LAMA3: variants seen among roughly 807,000 people sequenced by gnomAD.
The protein encoded by LAMA3 is laminin subunit alpha-3.
Under a neutral mutation model 402.0 loss-of-function variants are expected in LAMA3, and 281 were observed. That is an observed-to-expected ratio of 0.70 (90% CI 0.63 to 0.77). LAMA3 has a LOEUF of 0.77. Among genes scored for constraint, LAMA3 ranks in the 30% least tolerant of loss-of-function variants. The pLI is 0.00. For missense variants in LAMA3, 3,840 were observed against 4,215.5 expected (o/e 0.91, Z 2.47); for synonymous variants, 1,431 against 1,558.4 (o/e 0.92, Z 1.93).
At chr18:23,854,320 T>TGCA (rs1598926849) in intron 32 of LAMA3, among the ~76,000 whole-genome samples, 1 of 152,236 alleles carries the variant, frequency 6.6e-6, no homozygotes, top group East Asian at 1.9e-4. Flanking sequence ...GCAGGTACTC[T>TGCA]TGTTCCTTTC....
intron 11 of LAMA3, among the ~76,000 whole-genome samples, chr18:23,782,145 T>G (rs758022951): frequency 9.2e-5 from 14 of 152,254 alleles, no homozygotes; most frequent in Non-Finnish European, 1.6e-4. Flanking sequence ...CTTTCCAAAA[T>G]GCATGAGACT....
intron 12 of LAMA3, among the ~76,000 whole-genome samples, chr18:23,791,368 G>A (rs1284184526): frequency 6.6e-6 from 1 of 152,106 alleles, no homozygotes; most frequent in African/African-American, 2.4e-5. Flanking sequence ...AAGATGCTTG[G>A]CTTTGATTAA....
rs117387365 is a variant in LAMA3 at position 23,847,481 on chromosome 18, C to A, written c.3949C>A (p.Arg1317Ser). Reference sequence around the variant, plus strand: ...CTGGCCAGCGTGCAGCTGTGGTCGGCGCCTTTGTGAAGAGATGACGGGGCA... The same window carrying A: ...CTGGCCAGCGTGCAGCTGTGGTCGGAGCCTTTGTGAAGAGATGACGGGGCA... ...PRCKPCSCGRRLCEEMTGQCR... is the reference protein window; with the variant it reads ...PRCKPCSCGRSLCEEMTGQCR... Residue 1317 changes from arginine to serine, a missense_variant, in exon 32 of 75, where the codon CGC becomes AGC. Coordinates refer to ENST00000313654, the MANE Select transcript of LAMA3 (RefSeq NM_198129.4). The A allele has an allele frequency of 3.5e-5, 56 of 1,612,722 alleles. No individual in the cohort carries two copies. Among genetic ancestry groups the A allele is most frequent in the Non-Finnish European group, 4.6e-5 (54 of 1,180,044 alleles).
chr18:23,900,048 A>G (rs2081014410), intron 47 of LAMA3, among the ~76,000 whole-genome samples: 1 of 132,974 alleles, frequency 7.5e-6, no homozygotes, highest in Non-Finnish European at 1.6e-5. Context: ...TCTGTGCATG[A>G]AATGAACTTT....
chr18:23,894,060 C>T (rs2080789810), intron 42 of LAMA3, among the ~76,000 whole-genome samples: 1 of 152,078 alleles, frequency 6.6e-6, no homozygotes, highest in Admixed American at 6.5e-5. Flanking sequence ...TTCCTGGGCA[C>T]TGGCATGGGT....
rs956916700 is a variant in LAMA3, at chr18:23,954,864, A to C, written c.*216A>C. 16 of 573,772 alleles carry C rather than the reference A, an allele frequency of 2.8e-5. No individual in the cohort carries two copies. Among genetic ancestry groups the C allele is most frequent in the Non-Finnish European group, 4.6e-5 (15 of 323,284 alleles). The allele number at this position is 573,772 out of a possible 1,614,324, so 35.5% of individuals were successfully genotyped here. On this transcript the variant is annotated 3_prime_UTR_variant, in exon 75 of 75. Transcript: ENST00000313654. The stretch of plus-strand genomic sequence containing the variant: ...AAAAATCCCATTTCTTGAAGATAAA[A>C]AAATTGTTATTCAAATTGTTATGCA...
chr18:23,749,442 T>A lies in LAMA3; in HGVS notation c.580T>A (p.Cys194Ser). 3 of 1,584,312 alleles carry A rather than the reference T, an allele frequency of 1.9e-6. No homozygotes were observed. Among genetic ancestry groups the A allele is most frequent in the Non-Finnish European group, 2.6e-6 (3 of 1,153,566 alleles). ...TTTCCTTCTAGATTCTAAAGTAGAC[T>A]GTTTAAAAGAATTTGGGCGGGAGGC... is the stretch of plus-strand genomic sequence containing the variant. The part of the protein sequence containing the change: ...WQYFAHSKVD[C>S]LKEFGREANM... Residue 194 changes from cysteine (C) to serine (S), a missense_variant, in exon 4 of 75, where the codon TGT becomes AGT. Transcript: ENST00000313654.
At chr18:23,722,389 G>A (rs528713154) in intron 2 of LAMA3, among the ~76,000 whole-genome samples, 75 of 152,332 alleles carry the variant, frequency 4.9e-4, no homozygotes, top group Admixed American at 9.8e-4. Context: ...GCAGCTGTGT[G>A]AACATATTCT....
intron 72 of LAMA3, among the ~76,000 whole-genome samples, 165 bp from the exon 73 acceptor site, chr18:23,951,518 GA>G (rs1458524357): frequency 6.6e-6 from 1 of 152,176 alleles, no homozygotes. Flanking sequence ...GAGATCTCTG[GA>G]AGCATTGGAC....
chr18:23,935,680 C>T (rs1162334333), intron 67 of LAMA3, among the ~76,000 whole-genome samples: 3 of 152,048 alleles, frequency 2.0e-5, no homozygotes, highest in Non-Finnish European at 2.9e-5. Flanking sequence ...GGTAATACCT[C>T]ATGATGTTGA....
At chr18:23,739,837 T>A (rs1190530610) in intron 2 of LAMA3, among the ~76,000 whole-genome samples, 3 of 152,232 alleles carry the variant, frequency 2.0e-5, no homozygotes, top group African/African-American at 7.2e-5. Context: ...CATATATTTT[T>A]AGGAGTTGTT....
At chr18:23,737,692 AC>A (rs1467377381) in intron 2 of LAMA3, among the ~76,000 whole-genome samples, 1 of 152,206 alleles carries the variant, frequency 6.6e-6, no homozygotes, top group Admixed American at 6.5e-5. Flanking sequence ...CAGGCAGGTT[AC>A]CGGCCCTGCC....
intron 7 of LAMA3, among the ~76,000 whole-genome samples, chr18:23,761,017 C>T (rs1482994637): frequency 1.3e-5 from 2 of 152,052 alleles, no homozygotes; most frequent in East Asian, 1.9e-4. Context: ...CACAAGCGTT[C>T]GGACCATAGC....
intron 65 of LAMA3, 103 bp from the exon 66 acceptor site, chr18:23,932,057 A>G: frequency 5.1e-6 from 7 of 1,371,860 alleles, no homozygotes; most frequent in Non-Finnish European, 7.2e-6. Context: ...GTTATTTTAG[A>G]TAACAAATAT....
intron 8 of LAMA3, among the ~76,000 whole-genome samples, chr18:23,766,307 C>T (rs944676770): frequency 6.6e-6 from 1 of 152,058 alleles, no homozygotes; most frequent in African/African-American, 2.4e-5. Flanking sequence ...AAAAAAGAAC[C>T]ATCATCCCAG....
At chr18:23,927,273 G>A (rs1175774116) in intron 62 of LAMA3, among the ~76,000 whole-genome samples, 1 of 152,166 alleles carries the variant, frequency 6.6e-6, no homozygotes, top group Admixed American at 6.5e-5. Context: ...GGGTTCAGAT[G>A]ATTCTCCAAC....
rs1196770029 is a variant in LAMA3, at chr18:23,689,989, G to C, written c.294+12G>C. On this transcript the variant is annotated intron_variant, in intron 1 of 74. Coordinates refer to ENST00000313654, the MANE Select transcript of LAMA3 (RefSeq NM_198129.4). The stretch of plus-strand genomic sequence containing the variant: ...GCCACACCATCCAGGTGAGGGCCTC[G>C]GAGAGAGCCGGGGTGGGCGCGCCTT... 6.9e-6 allele frequency: 10 copies of C among 1,445,994 alleles called. No homozygotes were observed. The highest frequency in any genetic ancestry group is 2.9e-5 in the East Asian group (1 of 34,606). 89.6% of individuals were successfully genotyped at this position (1,445,994 alleles called of 1,614,324 possible).
At chr18:23,699,591 T>C (rs2060754381) in intron 1 of LAMA3, among the ~76,000 whole-genome samples, 1 of 152,212 alleles carries the variant, frequency 6.6e-6, no homozygotes, top group African/African-American at 2.4e-5. Flanking sequence ...GAAAGACCTC[T>C]TTCATAAATC....
chr18:23,916,005 C>CAAAAAAAAAAAAAAAAAAAAAAAAAA (rs1408575781), intron 59 of LAMA3, among the ~76,000 whole-genome samples: 1 of 41,946 alleles, frequency 2.4e-5, no homozygotes, highest in African/African-American at 1.4e-4. Flanking sequence ...GACTCCATCT[C>CAAAAAAAAAAAAAAAAAAAAAAAAAA]CAAAAAAAAA....
Sources: allele counts gnomAD v4.1 joint callset (sites outside exome capture counted in the v4.1 genomes callset), GRCh38; gene constraint gnomAD v4.1.1; transcripts MANE v1.5; gene names NCBI Gene and HGNC (gene_info 2026-07-23, HGNC 2026-07-21).